The following LRRC4C variants were observed in gnomAD, a reference collection of about 807,000 sequenced individuals.
The protein encoded by LRRC4C is leucine-rich repeat-containing protein 4C.
In LRRC4C, 5 loss-of-function variants were observed where a neutral mutation model predicts 33.6. The observed-to-expected ratio is 0.15, with a 90% CI of 0.08 to 0.31. The LOEUF is 0.31. LRRC4C is among the 10% of genes least tolerant of loss of function. The pLI is 1.00. For synonymous variants in LRRC4C, 329 were observed against 302.0 expected (o/e 1.09, Z -0.93); for missense variants, 560 against 796.7 (o/e 0.70, Z 3.58).
At chr11:40,522,280 T>C (rs1955849857) in intron 3 of LRRC4C, among the ~76,000 whole-genome samples, 1 of 152,170 alleles carries the variant, frequency 6.6e-6, no homozygotes, top group African/African-American at 2.4e-5. Context: ...TCCACCCACC[T>C]CCACCTCCCA....
Position 40,977,425 on chromosome 11 carries a change from A to G in LRRC4C, c.-495-43702T>C, listed in dbSNP as rs187806846. On this transcript the variant is annotated intron_variant, in intron 1 of 6. Transcript: ENST00000528697. ...GTATCTGTAGGATGTCCACTAAAAG[A>G]TTTCTCTACACTATGTATATCAAAG... Among the ~76,000 whole-genome samples, 74 of 152,236 alleles carry G rather than the reference A, an allele frequency of 4.9e-4. 1 individual carries two copies. In the East Asian group the frequency reaches 0.011, roughly 23 times the overall value.
At chr11:41,094,790 A>G (rs1414069071) in intron 1 of LRRC4C, among the ~76,000 whole-genome samples, 1 of 152,190 alleles carries the variant, frequency 6.6e-6, no homozygotes, top group Non-Finnish European at 1.5e-5. Context: ...GGTGACTAGC[A>G]CATAACAGAT....
intron 1 of LRRC4C, among the ~76,000 whole-genome samples, chr11:41,284,531 T>C (rs1949763895): frequency 6.6e-6 from 1 of 152,158 alleles, no homozygotes; most frequent in Non-Finnish European, 1.5e-5. Context: ...TATTGCTAAT[T>C]ACCACTGACG....
intron 1 of LRRC4C, among the ~76,000 whole-genome samples, chr11:40,997,024 C>A (rs1010982914): frequency 6.6e-6 from 1 of 152,066 alleles, no homozygotes; most frequent in African/African-American, 2.4e-5. Context: ...GTTAGGCCTG[C>A]TGAGTTGCAG....
At chr11:40,191,719 AG>A (rs1449294409) in intron 5 of LRRC4C, among the ~76,000 whole-genome samples, 1 of 152,132 alleles carries the variant, frequency 6.6e-6, no homozygotes, top group African/African-American at 2.4e-5. Flanking sequence ...CCAGCACTTC[AG>A]GAGGCTGAGG....
chr11:40,497,207 CA>C (rs1304674527), intron 3 of LRRC4C, among the ~76,000 whole-genome samples: 1 of 152,018 alleles, frequency 6.6e-6, no homozygotes, highest in Non-Finnish European at 1.5e-5. Flanking sequence ...AGATTGAGAC[CA>C]TCCTGGCTAA....
chr11:41,438,038 CAAAT>C (rs569593314), intron 1 of LRRC4C, among the ~76,000 whole-genome samples: 882 of 65,620 alleles, frequency 0.013, 9 homozygotes, highest in African/African-American at 0.037. Flanking sequence ...AACTCCATCT[CAAAT>C]AAATAAATAA....
At chr11:40,167,214 T>C (rs967202986) in intron 5 of LRRC4C, among the ~76,000 whole-genome samples, 1 of 152,140 alleles carries the variant, frequency 6.6e-6, no homozygotes, top group African/African-American at 2.4e-5. Context: ...TTGTCCAAAA[T>C]TGGAGTTTCT....
At chr11:40,824,645 T>A (rs571934904) in intron 2 of LRRC4C, among the ~76,000 whole-genome samples, 8 of 151,950 alleles carry the variant, frequency 5.3e-5, no homozygotes, top group Non-Finnish European at 7.4e-5. Context: ...CTAATAGTCT[T>A]CTTAATCGAA....
intron 1 of LRRC4C, among the ~76,000 whole-genome samples, chr11:41,320,743 A>G (rs1412762855): frequency 1.3e-5 from 2 of 152,300 alleles, no homozygotes; most frequent in Middle Eastern, 3.4e-3. Flanking sequence ...ATTTGCATGT[A>G]TCAAAGACCA....
intron 1 of LRRC4C, among the ~76,000 whole-genome samples, chr11:41,104,993 T>TA (rs921598594): frequency 2.6e-5 from 4 of 151,234 alleles, no homozygotes; most frequent in Non-Finnish European, 1.5e-5. Context: ...TAAGAAATGT[T>TA]AAAAAAAAAT....
intron 1 of LRRC4C, among the ~76,000 whole-genome samples, chr11:41,133,485 C>T (rs1305731781): frequency 2.7e-5 from 4 of 145,994 alleles, no homozygotes; most frequent in South Asian, 2.2e-4. Flanking sequence ...ATCCCCCCCC[C>T]GCCCCCGCCA....
chr11:40,945,023 CTTTT>C (rs767515626), intron 1 of LRRC4C, among the ~76,000 whole-genome samples: 4 of 111,120 alleles, frequency 3.6e-5, no homozygotes, highest in Non-Finnish European at 5.5e-5. Flanking sequence ...TGCAGTTTTT[CTTTT>C]TTTTTTTTTT....
At chr11:41,071,645 T>A (rs1938694311) in intron 1 of LRRC4C, among the ~76,000 whole-genome samples, 2 of 152,340 alleles carry the variant, frequency 1.3e-5, no homozygotes, top group South Asian at 4.1e-4. Context: ...TTTTCATGCC[T>A]GCTAACAGTA....
intron 2 of LRRC4C, among the ~76,000 whole-genome samples, chr11:40,717,009 G>A (rs557406677): frequency 1.3e-5 from 2 of 152,238 alleles, no homozygotes; most frequent in East Asian, 3.9e-4. Flanking sequence ...GCAGGACTAA[G>A]CCTTTTAGCA....
intron 2 of LRRC4C, among the ~76,000 whole-genome samples, chr11:40,803,535 C>T (rs1951122670): frequency 6.6e-6 from 1 of 152,108 alleles, no homozygotes; most frequent in Non-Finnish European, 1.5e-5. Flanking sequence ...AAAGTCTTCT[C>T]TATCTCCCAA....
At chr11:40,233,721 T>C (rs1398897631) in intron 5 of LRRC4C, among the ~76,000 whole-genome samples, 1 of 152,198 alleles carries the variant, frequency 6.6e-6, no homozygotes, top group Admixed American at 6.5e-5. Flanking sequence ...AAGCATTTAG[T>C]ATTCATTTTT....
At chr11:41,245,421 G>T (rs191683039) in intron 1 of LRRC4C, among the ~76,000 whole-genome samples, 122 of 152,320 alleles carry the variant, frequency 8.0e-4, no homozygotes, top group African/African-American at 2.9e-3. Context: ...AGGCATCCCG[G>T]CCAAGGCATG....
At chr11:41,118,353 T>C (rs1942247530) in intron 1 of LRRC4C, among the ~76,000 whole-genome samples, 1 of 152,128 alleles carries the variant, frequency 6.6e-6, no homozygotes, top group South Asian at 2.1e-4. Context: ...ATACTGCAGA[T>C]TGAACTCTAA....
Sources: gnomAD v4.1 joint callset for allele counts (sites outside exome capture counted in the v4.1 genomes callset) on GRCh38, gnomAD v4.1.1 for gene constraint, MANE v1.5 for transcripts, NCBI Gene and HGNC (gene_info 2026-07-23, HGNC 2026-07-21) for gene names.